DNAH1: variants seen among roughly 807,000 people sequenced by gnomAD.
DNAH1 encodes axonemal beta dynein heavy chain 1.
In DNAH1, 327 loss-of-function variants were observed where a neutral mutation model predicts 484.3. The observed-to-expected ratio is 0.68, with a 90% CI of 0.62 to 0.74. The LOEUF (loss-of-function observed/expected upper bound fraction) is 0.74. DNAH1 is among the 30% of genes least tolerant of loss of function. The pLI is 0.00. For synonymous variants in DNAH1, 2,192 were observed against 2,191.9 expected (o/e 1.00, Z 0.00); for missense variants, 5,052 against 5,546.8 (o/e 0.91, Z 2.83).
chr3:52,349,413 T>TG lies in DNAH1; in HGVS notation c.2521dup (p.Asp841GlyfsTer2). ...CTTGCCAAGAACCTGCATAAGGAGG[T>TG]GGATAGCGTAAGTGCCCACCTGCCC... On this transcript the variant is annotated frameshift_variant, in exon 14 of 78. Transcript: ENST00000420323. LOFTEE classifies it high-confidence loss of function. 1 of 1,613,534 alleles carries TG rather than the reference T, an allele frequency of 6.2e-7. No individual in the cohort carries two copies. Among genetic ancestry groups the TG allele is most frequent in the African/African-American group, 1.3e-5 (1 of 74,952 alleles).
At chr3:52,385,087 C>G in intron 53 of DNAH1, 110 bp downstream of exon 53, 1 of 1,342,424 alleles carries the variant, frequency 7.4e-7, no homozygotes, top group South Asian at 1.5e-5. Context: ...CTGCAGCCCA[C>G]GACGTTGAAG....
Position 52,352,710 on chromosome 3 carries a change from AGGCCTCCTGC to A in DNAH1, c.3027+4_3027+13del, listed in dbSNP as rs1275397610. 12 of 1,607,622 alleles carry A rather than the reference AGGCCTCCTGC, an allele frequency of 7.5e-6. No individual in the cohort carries two copies. Among genetic ancestry groups the A allele is most frequent in the Non-Finnish European group, 8.5e-6 (10 of 1,175,634 alleles). ...TCTTCAGCTTGCCCATCACCAATGT[AGGCCTCCTGC>A]AGGCACCCTGCCCCCATGCCCCCAG... is the stretch of plus-strand genomic sequence containing the variant. On this transcript the variant is annotated splice_donor_5th_base_variant and intron_variant, in intron 18 of 77. Coordinates refer to ENST00000420323, the MANE Select transcript of DNAH1 (RefSeq NM_015512.5).
Position 52,391,049 on chromosome 3 carries a change from A to G in DNAH1, c.9736A>G (p.Asn3246Asp). ...GAGCCAGGCCAACAAATGGATCAAGAACATGGTGAGCCCACCCACCAGGCA... is the reference window on the plus strand; with the variant it reads ...GAGCCAGGCCAACAAATGGATCAAGGACATGGTGAGCCCACCCACCAGGCA... ...PQSQANKWIK[N>D]MEKDNGLDVF... Residue 3246 changes from asparagine to aspartate, a missense_variant, in exon 61 of 78, where the codon AAC (asparagine) becomes GAC (aspartate). By Grantham distance (23) the Asn-to-Asp change is conservative (BLOSUM62 1). Coordinates refer to ENST00000420323, the MANE Select transcript of DNAH1 (RefSeq NM_015512.5). 1 of 1,564,766 alleles carries G rather than the reference A, an allele frequency of 6.4e-7. No individual in the cohort carries two copies. The highest frequency in any genetic ancestry group is 1.2e-5 in the South Asian group (1 of 85,166).
chr3:52,362,911 T>G lies in DNAH1; in HGVS notation c.5095-84T>G. ...CTTGGTGCAGCAGGGAGTCCCAGCGTGTTAGGGAGGAGGGCCGGATGAAGC... is the reference window on the plus strand; with the variant it reads ...CTTGGTGCAGCAGGGAGTCCCAGCGGGTTAGGGAGGAGGGCCGGATGAAGC... On this transcript the variant is annotated intron_variant, in intron 31 of 77. Coordinates refer to ENST00000420323, the MANE Select transcript of DNAH1 (RefSeq NM_015512.5). This position sits in a 1 kb window ranked among gnomAD's most constrained non-coding sequence, Gnocchi z 5.1. The G allele has an allele frequency of 4.5e-6, 7 of 1,570,818 alleles. No individual in the cohort carries two copies. The highest frequency in any genetic ancestry group is 6.1e-6 in the Non-Finnish European group (7 of 1,150,580).
At chr3:52,374,789 A>G (rs2153224886) in intron 44 of DNAH1, 1 of 1,059,398 alleles carries the variant, frequency 9.4e-7, no homozygotes, top group Non-Finnish European at 1.5e-6. Context: ...ACTGTACACA[A>G]CAGTCCAAAG....
intron 3 of DNAH1, 113 bp downstream of exon 3, chr3:52,323,993 G>A: frequency 2.6e-6 from 2 of 764,626 alleles, no homozygotes; most frequent in Non-Finnish European, 2.1e-6. Context: ...CCTTAACTGT[G>A]GAGCGGGGAT....
chr3:52,386,867 G>A lies in DNAH1; in HGVS notation c.9003+14G>A. 4.5e-6 allele frequency: 7 copies of A among 1,539,534 alleles called. No homozygotes were observed. The highest frequency in any genetic ancestry group is 6.1e-6 in the Non-Finnish European group (7 of 1,142,100). ...AAGTTTGACAAGGTAAGCATGCCAGGCACCCTGGCCAGCCAGCGAGTGAGG... is the reference window on the plus strand; with the variant it reads ...AAGTTTGACAAGGTAAGCATGCCAGACACCCTGGCCAGCCAGCGAGTGAGG... On this transcript the variant is annotated intron_variant, in intron 56 of 77. Transcript: ENST00000420323.
Position 52,361,312 on chromosome 3 carries a change from G to T in DNAH1, c.4834G>T (p.Asp1612Tyr), listed in dbSNP as rs764485004. The T allele has an allele frequency of 1.9e-6, 3 of 1,604,316 alleles. No individual in the cohort carries two copies. The highest frequency in any genetic ancestry group is 1.1e-5 in the South Asian group (1 of 89,288). The stretch of plus-strand genomic sequence containing the variant: ...TGTGTTCAACTGCTCTGACCAGCTC[G>T]ACTTCATGGCCATGGGCAAGTTCTT... ...TVVFNCSDQL[D>Y]FMAMGKFFKG... The change falls in exon 29 of 78, where the codon GAC (aspartate) becomes TAC (tyrosine). Residue 1612 changes from aspartate (D) to tyrosine (Y), a missense_variant. Physicochemically the swap from Asp to Tyr is radical, Grantham distance 160. Around this residue, in one of 4 missense-constraint regions of DNAH1, gnomAD observed 2,929 missense variants for 3,409.4 expected, o/e 0.86. Transcript: ENST00000420323. The surrounding 1 kb of genome is among the most constrained non-coding windows in gnomAD (Gnocchi z 5.6).
At chr3:52,339,453 T>A (rs895698243) in intron 8 of DNAH1, among the ~76,000 whole-genome samples, 2 of 152,134 alleles carry the variant, frequency 1.3e-5, no homozygotes, top group African/African-American at 4.8e-5. Flanking sequence ...CATTTATATG[T>A]TTTATTTTTG....
chr3:52,398,035 G>C lies in DNAH1; in HGVS notation c.11962G>C (p.Val3988Leu), dbSNP rs780145277. ...SAGSQGREEIVEDVTQNILLK... is the reference protein window; with the variant it reads ...SAGSQGREEILEDVTQNILLK... ...CAGTATTCCTTTGCCCCTGCAGATA[G>C]TGGAGGACGTCACCCAAAACATTCT... The change falls in exon 75 of 78, where the codon GTG becomes CTG. Residue 3988 changes from valine to leucine, a missense_variant. This residue lies in a region of DNAH1 where 853 missense variants were observed against 899.0 expected (regional missense o/e 0.95). Coordinates refer to ENST00000420323, the MANE Select transcript of DNAH1 (RefSeq NM_015512.5). The C allele has an allele frequency of 6.2e-7, 1 of 1,613,480 alleles. No homozygotes were observed. The highest frequency in any genetic ancestry group is 8.5e-7 in the Non-Finnish European group (1 of 1,179,618).
At chr3:52,367,917 G>A (rs190510220) in intron 36 of DNAH1, among the ~76,000 whole-genome samples, 1 of 152,340 alleles carries the variant, frequency 6.6e-6, no homozygotes, top group Admixed American at 6.5e-5. Flanking sequence ...ACATATTCAG[G>A]AGCATGGCAG....
At chr3:52,349,508 C>T (rs1206221103) in intron 14 of DNAH1, 88 bp downstream of exon 14, 6 of 1,292,316 alleles carry the variant, frequency 4.6e-6, no homozygotes, top group Non-Finnish European at 6.6e-6. Context: ...GCAAGATGTC[C>T]CCAAGCAGGG....
At chr3:52,323,067 C>T (rs1468239383) in intron 2 of DNAH1, among the ~76,000 whole-genome samples, 5 of 152,162 alleles carry the variant, frequency 3.3e-5, no homozygotes, top group Non-Finnish European at 5.9e-5. Context: ...GAGACGCCCA[C>T]GTCCCTATTG....
rs369027266 is a variant in DNAH1 at position 52,389,580 on chromosome 3, G to T, written c.9615G>T (p.Ser3205=). 18 of 1,488,720 alleles carry T rather than the reference G, an allele frequency of 1.2e-5. No individual in the cohort carries two copies. Among genetic ancestry groups the T allele is most frequent in the Admixed American group, 2.5e-5 (1 of 40,770 alleles). 92.2% of individuals were successfully genotyped at this position (1,488,720 alleles called of 1,614,324 possible). The part of the protein sequence containing the change: ...GTLGNPVKIR[S]WQIAGLPNDT... Reference sequence around the variant, plus strand: ...TGGGGAACCCTGTGAAGATCCGATCGTGGCAGGTGCCCACCCCAGGGGCAG... The same window carrying T: ...TGGGGAACCCTGTGAAGATCCGATCTTGGCAGGTGCCCACCCCAGGGGCAG... The change falls in exon 60 of 78, where the codon TCG becomes TCT. Residue 3205 remains serine, a synonymous_variant. Coordinates refer to ENST00000420323, the MANE Select transcript of DNAH1 (RefSeq NM_015512.5).
In DNAH1 at chr3:52,359,464, T is replaced by C. The variant is rs1702764833; in HGVS notation, c.4407+78T>C. On this transcript the variant is annotated intron_variant, in intron 26 of 77. Transcript: ENST00000420323. The stretch of plus-strand genomic sequence containing the variant: ...GGAGGGCCCAGTCCCTCCGGAAGCT[T>C]TCTCCTATAGTGAGCCTGGAAGAGG... 6 of 1,528,256 alleles carry C rather than the reference T, an allele frequency of 3.9e-6. No homozygotes were observed. In the South Asian group the frequency reaches 7.3e-5, roughly 19 times the overall value. The allele number at this position is 1,528,256 out of a possible 1,614,324, so 94.7% of individuals were successfully genotyped here.
intron 63 of DNAH1, among the ~76,000 whole-genome samples, chr3:52,392,169 C>G (rs1704418105): frequency 6.6e-6 from 1 of 152,212 alleles, no homozygotes; most frequent in Non-Finnish European, 1.5e-5. Flanking sequence ...ATCACAGCCC[C>G]CACTTGCCAA....
At chr3:52,330,620 A>C (rs1342542905) in intron 6 of DNAH1, among the ~76,000 whole-genome samples, 6 of 152,212 alleles carry the variant, frequency 3.9e-5, no homozygotes, top group African/African-American at 1.2e-4. Flanking sequence ...ACAGGCTTTC[A>C]GCCCAGGAAA....
chr3:52,323,688 G>C, intron 2 of DNAH1, 120 bp from the exon 3 acceptor site: 1 of 660,832 alleles, frequency 1.5e-6, no homozygotes, highest in Non-Finnish European at 2.7e-6. Flanking sequence ...GCCCACTCCT[G>C]TGCTCCTGGA....
chr3:52,393,848 G>C (rs1028642015), intron 66 of DNAH1, among the ~76,000 whole-genome samples: 1 of 152,216 alleles, frequency 6.6e-6, no homozygotes, highest in African/African-American at 2.4e-5. Flanking sequence ...GCAGTGGGCT[G>C]AGATCGTGCC....
Sources: gnomAD v4.1 joint callset for allele counts (sites outside exome capture counted in the v4.1 genomes callset) on GRCh38, gnomAD v4.1.1 for gene constraint, gnomAD v4.1.1 regional missense constraint, Gnocchi (gnomAD v3.1) non-coding constraint, MANE v1.5 for transcripts, NCBI Gene and HGNC (gene_info 2026-07-23, HGNC 2026-07-21) for gene names.